The following PTPN3 variants were observed in gnomAD, a reference collection of about 807,000 sequenced individuals.
PTPN3 encodes the protein protein tyrosine phosphatase non-receptor type 3, also known as tyrosine-protein phosphatase non-receptor type 3.
In PTPN3, 96 loss-of-function variants were observed where a neutral mutation model predicts 132.7. That is an observed-to-expected ratio of 0.72 (90% confidence interval 0.61 to 0.86). The LOEUF (loss-of-function observed/expected upper bound fraction) is 0.86. Ranked by LOEUF, PTPN3 falls within the 40% of genes least tolerant of loss-of-function variation. The probability of loss-of-function intolerance (pLI) is 0.00; values close to 1 mark genes in which losing one functional copy is unlikely to be tolerated. For missense variants in PTPN3, 1,125 were observed against 1,159.6 expected, an observed-to-expected ratio of 0.97 and a Z score of 0.43; for synonymous variants, 398 against 429.0, an observed-to-expected ratio of 0.93 and a Z score of 0.89.
At chr9:109,448,056 G>A (rs752394579) in intron 6 of PTPN3, among the ~76,000 whole-genome samples, 5 of 152,096 alleles carry the variant, frequency 3.3e-5, no homozygotes, top group Non-Finnish European at 7.4e-5. Context: ...ACACCAGCAG[G>A]AGCTCCTCAA....
At chr9:109,384,185 G>A (rs1220663548) in intron 22 of PTPN3, among the ~76,000 whole-genome samples, 2 of 152,162 alleles carry the variant, frequency 1.3e-5, no homozygotes, top group South Asian at 2.1e-4. Flanking sequence ...ACTGTAGGGG[G>A]CAGGCGGGGG....
intron 5 of PTPN3, chr9:109,450,576 A>C: frequency 2.0e-6 from 2 of 985,138 alleles, no homozygotes; most frequent in Non-Finnish European, 2.4e-6. Flanking sequence ...AAGAAACTAG[A>C]ATAGTGGAAC....
chr9:109,484,461 C>T (rs1213018618), intron 1 of PTPN3, among the ~76,000 whole-genome samples: 2 of 152,186 alleles, frequency 1.3e-5, no homozygotes, highest in African/African-American at 4.8e-5. Context: ...CTGGCCGAGC[C>T]ACCTCTGTGG....
In PTPN3 at chr9:109,454,486, ATGT is replaced by A. The variant is rs762588493; in HGVS notation, c.368+7_368+9del. The A allele has an allele frequency of 3.1e-6, 5 of 1,607,202 alleles. No individual in the cohort carries two copies. The highest frequency in any genetic ancestry group is 3.4e-6 in the Non-Finnish European group (4 of 1,175,918). On this transcript the variant is annotated splice_region_variant and intron_variant, in intron 5 of 25. Transcript: ENST00000374541. ...ACACTAAACAGAAAACTTTAAAAAA[ATGT>A]TGTTACCTGGTTTGTTCTTGCTGCA... is the stretch of plus-strand genomic sequence containing the variant.
At chr9:109,454,436 A>C in intron 5 of PTPN3, 60 bp downstream of exon 5, 1 of 1,385,048 alleles carries the variant, frequency 7.2e-7, no homozygotes, top group Non-Finnish European at 1.0e-6. Flanking sequence ...TGAAGAGTAC[A>C]TTTTTAGTGG....
intron 21 of PTPN3, 132 bp downstream of exon 21, chr9:109,391,006 G>A: frequency 4.0e-6 from 3 of 758,056 alleles, no homozygotes; most frequent in Non-Finnish European, 6.5e-6. Flanking sequence ...GCCCTCCCAT[G>A]GCTGTTGTGG....
In PTPN3 at chr9:109,463,437, C is replaced by A; in HGVS notation, c.-3G>T. 2 of 1,604,770 alleles carry A rather than the reference C, an allele frequency of 1.2e-6. No individual in the cohort carries two copies. The highest frequency in any genetic ancestry group is 1.7e-6 in the Non-Finnish European group (2 of 1,177,634). ...AACGCACGTAACCGGGAGGTCATAA[C>A]TATCGCTGAATAACCTGTAACATAA... is the stretch of plus-strand genomic sequence containing the variant. On this transcript the variant is annotated 5_prime_UTR_variant, in exon 2 of 26. An upstream open reading frame in the 5' UTR loses its in-frame stop. Coordinates refer to ENST00000374541, the MANE Select transcript of PTPN3 (RefSeq NM_002829.4).
intron 25 of PTPN3, 57 bp downstream of exon 25, chr9:109,381,595 G>A: frequency 6.3e-7 from 1 of 1,595,152 alleles, no homozygotes; most frequent in Non-Finnish European, 8.6e-7. Context: ...TCTCAGGCCT[G>A]CCTGGTGTAA....
chr9:109,406,526 C>T lies in PTPN3; in HGVS notation c.1728G>A (p.Val576=). The T allele has an allele frequency of 1.2e-6, 2 of 1,614,166 alleles. No individual in the cohort carries two copies. The highest frequency in any genetic ancestry group is 1.1e-5 in the South Asian group (1 of 91,066). Residue 576 remains valine, a synonymous_variant, in exon 18 of 26, where the codon GTG becomes GTA. Transcript: ENST00000374541. ...DISEHTHDQV[V]MFIKASRESH... ...ACTCCCGGCTGGCTTTGATGAACAT[C>T]ACCACTTGGTCATGCGTGTGTTCTG...
Position 109,381,663 on chromosome 9 carries a change from C to T in PTPN3, c.2653G>A (p.Val885Met), listed in dbSNP as rs769178303. Residue 885 changes from valine (V) to methionine (M), a missense_variant, in exon 25 of 26, where the codon GTG (valine) becomes ATG (methionine). Physicochemically the swap from Val to Met is conservative, Grantham distance 21. Transcript: ENST00000374541. The part of the protein sequence containing the change: ...RKMRDQRAMM[V>M]QTSSQYKFVC... ...GGATTTCTACTCACTGATGTCTGCA[C>T]CATCATGGCGCGCTGGTCTCGCATT... The T allele has an allele frequency of 4.3e-6, 7 of 1,614,016 alleles. No individual in the cohort carries two copies. The highest frequency in any genetic ancestry group is 1.1e-5 in the South Asian group (1 of 91,076).
intron 1 of PTPN3, among the ~76,000 whole-genome samples, chr9:109,466,385 C>T (rs1429416445): frequency 6.6e-6 from 1 of 152,190 alleles, no homozygotes; most frequent in Non-Finnish European, 1.5e-5. Flanking sequence ...CACCTGTAGT[C>T]CCAGCTACTC....
chr9:109,391,433 G>C, intron 20 of PTPN3, 38 bp downstream of exon 20: 1 of 1,555,684 alleles, frequency 6.4e-7, no homozygotes, highest in Non-Finnish European at 8.9e-7. Flanking sequence ...CATTATCTCA[G>C]TGTAGGGGGG....
chr9:109,382,318 C>T lies in PTPN3; in HGVS notation c.2512G>A (p.Val838Ile), dbSNP rs138828543. 68 of 1,613,794 alleles carry T rather than the reference C, an allele frequency of 4.2e-5. No individual in the cohort carries two copies. Among genetic ancestry groups the T allele is most frequent in the East Asian group, 4.0e-4 (18 of 44,892 alleles). ...GCGCCATACCTGCAGTGAACTAGGA[C>T]GGGCTCGCTGTCCACTCTCAGAGAC... is the stretch of plus-strand genomic sequence containing the variant. ...VRSLRVDSEP[V>I]LVHCSAGIGR... The change falls in exon 24 of 26, where the codon GTC becomes ATC. Residue 838 changes from valine to isoleucine, a missense_variant. Transcript: ENST00000374541.
At chr9:109,511,345 A>AG in the PTPN3 span, 1 of 152,668 alleles carries the variant, frequency 6.6e-6, no homozygotes, top group African/African-American at 2.4e-5. Flanking sequence ...GCCAGGTTCA[A>AG]GGGGCAGCCA....
At chr9:109,395,375 T>C (rs1013277909) in intron 19 of PTPN3, among the ~76,000 whole-genome samples, 1 of 152,230 alleles carries the variant, frequency 6.6e-6, no homozygotes, top group Non-Finnish European at 1.5e-5. Flanking sequence ...TAAGGTTGTT[T>C]TGGCCTTTGG....
intron 24 of PTPN3, among the ~76,000 whole-genome samples, 165 bp from the exon 25 acceptor site, chr9:109,381,952 C>T (rs955412071): frequency 6.6e-6 from 1 of 152,208 alleles, no homozygotes; most frequent in African/African-American, 2.4e-5. Flanking sequence ...GACAGCCTGT[C>T]CTCACACATC....
chr9:109,455,869 C>G (rs1169511986), intron 4 of PTPN3, among the ~76,000 whole-genome samples: 1 of 152,176 alleles, frequency 6.6e-6, no homozygotes, highest in Non-Finnish European at 1.5e-5. Flanking sequence ...CAGCACCTTG[C>G]CACAGTCTGA....
chr9:109,403,934 A>G (rs1390037692), intron 19 of PTPN3, among the ~76,000 whole-genome samples: 1 of 152,188 alleles, frequency 6.6e-6, no homozygotes, highest in Admixed American at 6.5e-5. Flanking sequence ...GTTCTGGGCA[A>G]CTTGGGAGGG....
chr9:109,460,459 T>C (rs1419700078), intron 2 of PTPN3, among the ~76,000 whole-genome samples: 1 of 152,128 alleles, frequency 6.6e-6, no homozygotes, highest in African/African-American at 2.4e-5. Flanking sequence ...GCCCTCAGAA[T>C]GATCTACAAG....
Sources: gnomAD v4.1 joint callset for allele counts (sites outside exome capture counted in the v4.1 genomes callset) on GRCh38, gnomAD v4.1.1 for gene constraint, MANE v1.5 for transcripts, NCBI Gene and HGNC (gene_info 2026-07-23, HGNC 2026-07-21) for gene names.